The following BCL11B variants were observed in gnomAD, a reference collection of about 807,000 sequenced individuals.
BCL11B encodes B-cell lymphoma/leukemia 11B.
Under a neutral mutation model 49.9 loss-of-function variants are expected in BCL11B, and 8 were observed. That is an observed-to-expected ratio of 0.16 (90% CI 0.09 to 0.29). The LOEUF (loss-of-function observed/expected upper bound fraction) is 0.29, where lower values mean the gene tolerates loss of function less well. Among genes scored for constraint, BCL11B ranks in the 10% least tolerant of loss-of-function variants. The pLI is 1.00. For missense variants in BCL11B, 1,006 were observed against 1,351.0 expected, an observed-to-expected ratio of 0.74 and a Z score of 4.00; for synonymous variants, 739 against 637.4, an observed-to-expected ratio of 1.16 and a Z score of -2.40.
rs1420580066 is a variant in BCL11B, at chr14:99,172,871, T to G, written c.*1280A>C. On this transcript the variant is annotated 3_prime_UTR_variant, in exon 4 of 4. Coordinates refer to ENST00000357195, the MANE Select transcript of BCL11B (RefSeq NM_138576.4). ...AAAAAAAAAATAAAAACCTGGGAAG[T>G]AGCGCTGGGCACCTTCTGATGGAAC... The G allele has an allele frequency of 8.8e-6, 2 of 227,912 alleles. No individual in the cohort carries two copies. The highest frequency in any genetic ancestry group is 8.7e-6 in the Non-Finnish European group (1 of 114,750). 14.1% of individuals were successfully genotyped at this position (227,912 alleles called of 1,614,324 possible). A position where few individuals can be genotyped will look rare whatever the true frequency, so the allele number is the denominator to read the frequency against.
Position 99,174,661 on chromosome 14 carries a change from G to A in BCL11B, c.2175C>T (p.Pro725=), listed in dbSNP as rs2139754207. ...YAASRHFMKD[P]FLGFTDARQS... is the part of the protein sequence containing the mutation. ...GTCGTGCGTCCGTGAAGCCCAGGAAGGGGTCCTTCATGAAGTGCCGCGACG... is the reference window on the plus strand; with the variant it reads ...GTCGTGCGTCCGTGAAGCCCAGGAAAGGGTCCTTCATGAAGTGCCGCGACG... The change falls in exon 4 of 4, where the codon CCC becomes CCT. Residue 725 remains proline, a synonymous_variant. Transcript: ENST00000357195. 6.3e-7 allele frequency: 1 copy of A among 1,580,412 alleles called. No individual in the cohort carries two copies. Among genetic ancestry groups the A allele is most frequent in the Non-Finnish European group, 8.6e-7 (1 of 1,166,370 alleles).
intron 3 of BCL11B, among the ~76,000 whole-genome samples, chr14:99,209,842 C>T (rs781740857): frequency 6.6e-6 from 1 of 152,130 alleles, no homozygotes; most frequent in South Asian, 2.1e-4. Context: ...ATGCAGTGCT[C>T]AGGATGGCCT....
intron 2 of BCL11B, among the ~76,000 whole-genome samples, chr14:99,250,026 G>A (rs1342670975): frequency 2.7e-5 from 4 of 146,466 alleles, no homozygotes; most frequent in African/African-American, 7.6e-5. Flanking sequence ...GGCTGAGACA[G>A]GAGAATCTTT....
In BCL11B at chr14:99,174,571, C is replaced by A. The variant is rs1397348808; in HGVS notation, c.2265G>T (p.Pro755=). 4 of 1,517,666 alleles carry A rather than the reference C, an allele frequency of 2.6e-6. No homozygotes were observed. Among genetic ancestry groups the A allele is most frequent in the South Asian group, 1.2e-5 (1 of 82,098 alleles). The allele number at this position is 1,517,666 out of a possible 1,614,324, so 94.0% of individuals were successfully genotyped here. A position where few individuals can be genotyped will look rare whatever the true frequency, so the allele number is the denominator to read the frequency against. Residue 755 remains proline (P), a synonymous_variant, in exon 4 of 4, where the codon CCG becomes CCT. Transcript: ENST00000357195. The part of the protein sequence containing the change: ...SENGSLRFST[P]PGDLLDGGLS... Reference sequence around the variant, plus strand: ...GGCCGCCGTCCAGCAGGTCCCCGGGCGGCGTGGAGAAGCGCAGGCTGCCGT... The same window carrying A: ...GGCCGCCGTCCAGCAGGTCCCCGGGAGGCGTGGAGAAGCGCAGGCTGCCGT...
intron 1 of BCL11B, among the ~76,000 whole-genome samples, chr14:99,260,916 G>A (rs760938647): frequency 1.2e-4 from 18 of 151,924 alleles, no homozygotes; most frequent in South Asian, 4.2e-4. Context: ...GGATCTCCAC[G>A]TCCCAGACCA....
chr14:99,173,142 A>T lies in BCL11B; in HGVS notation c.*1009T>A, dbSNP rs1032586807. The T allele has an allele frequency of 1.3e-5, 3 of 230,792 alleles. No individual in the cohort carries two copies. Among genetic ancestry groups the T allele is most frequent in the Non-Finnish European group, 2.6e-5 (3 of 116,580 alleles). 14.3% of individuals were successfully genotyped at this position (230,792 alleles called of 1,614,324 possible). On this transcript the variant is annotated 3_prime_UTR_variant, in exon 4 of 4. Coordinates refer to ENST00000357195, the MANE Select transcript of BCL11B (RefSeq NM_138576.4). ...AGAAAACGCCTAAAAGAACACCGCT[A>T]GTTTCTTCCTTTCTGTGTCACTGCA... is the stretch of plus-strand genomic sequence containing the variant.
At chr14:99,249,461 T>G (rs1237811591) in intron 2 of BCL11B, among the ~76,000 whole-genome samples, 1 of 152,214 alleles carries the variant, frequency 6.6e-6, no homozygotes, top group Non-Finnish European at 1.5e-5. Flanking sequence ...GAGCCTGGTC[T>G]CTAGGCGCAA....
chr14:99,271,928 C>G lies in BCL11B; in HGVS notation c.-710G>C, dbSNP rs886211065. Among the ~76,000 whole-genome samples the G allele has an allele frequency of 1.3e-5, 2 of 151,924 alleles. No homozygotes were observed. Among genetic ancestry groups the G allele is most frequent in the African/African-American group, 4.8e-5 (2 of 41,366 alleles). ...TTTTGTTTTTGTTTTTGTTTTTTCTCGGAGACTGACCCTTCCGAGGCTCTG... is the reference window on the plus strand; with the variant it reads ...TTTTGTTTTTGTTTTTGTTTTTTCTGGGAGACTGACCCTTCCGAGGCTCTG... On this transcript the variant is annotated 5_prime_UTR_variant, in exon 1 of 4. Transcript: ENST00000357195.
Position 99,174,592 on chromosome 14 carries a change from G to C in BCL11B, c.2244C>G (p.Gly748=). 1 of 1,529,062 alleles carries C rather than the reference G, an allele frequency of 6.5e-7. No homozygotes were observed. The highest frequency in any genetic ancestry group is 8.8e-7 in the Non-Finnish European group (1 of 1,141,156). The allele number at this position is 1,529,062 out of a possible 1,614,324, so 94.7% of individuals were successfully genotyped here. ...CGGGCGGCGTGGAGAAGCGCAGGCT[G>C]CCGTTCTCGGACGAGTGCTCGGACG... is the stretch of plus-strand genomic sequence containing the variant. ...ATSSEHSSEN[G]SLRFSTPPGD... The change falls in exon 4 of 4, where the codon GGC becomes GGG. Residue 748 remains glycine, a synonymous_variant. Coordinates refer to ENST00000357195, the MANE Select transcript of BCL11B (RefSeq NM_138576.4).
chr14:99,191,516 T>C (rs1887030003), intron 3 of BCL11B, among the ~76,000 whole-genome samples: 1 of 152,048 alleles, frequency 6.6e-6, no homozygotes, highest in Non-Finnish European at 1.5e-5. Flanking sequence ...GCCCACACCA[T>C]CTACTTCTCT....
In BCL11B at chr14:99,241,281, T is replaced by C. The variant is rs1423967654; in HGVS notation, c.428-9724A>G. 6.6e-6 allele frequency among the ~76,000 whole-genome samples: 1 copy of C among 151,946 alleles called. No individual in the cohort carries two copies. Among genetic ancestry groups the C allele is most frequent in the Admixed American group, 6.6e-5 (1 of 15,254 alleles). On this transcript the variant is annotated intron_variant, in intron 2 of 3. Coordinates refer to ENST00000357195, the MANE Select transcript of BCL11B (RefSeq NM_138576.4). This position sits in a 1 kb window ranked among gnomAD's most constrained non-coding sequence, Gnocchi z 4.4. ...CATGAAATATACCCCAAAACAACAT[T>C]GTAGATAAGAGCCCAGAGGCGGGGA...
intron 2 of BCL11B, among the ~76,000 whole-genome samples, chr14:99,237,972 T>G (rs925873216): frequency 6.6e-6 from 1 of 151,970 alleles, no homozygotes; most frequent in Non-Finnish European, 1.5e-5. Flanking sequence ...TCCAGGAACA[T>G]GGGCAACTGC....
At chr14:99,189,334 GGTGCCGCTA>G (rs1886954093) in intron 3 of BCL11B, among the ~76,000 whole-genome samples, 1 of 152,230 alleles carries the variant, frequency 6.6e-6, no homozygotes, top group Non-Finnish European at 1.5e-5. Flanking sequence ...CGAGCTGCCT[GGTGCCGCTA>G]GAACATCAGA....
intron 1 of BCL11B, among the ~76,000 whole-genome samples, chr14:99,265,890 C>T (rs1031216280): frequency 6.6e-6 from 1 of 152,190 alleles, no homozygotes; most frequent in Admixed American, 6.5e-5. Context: ...ATATATTGAA[C>T]TCTAGCATAA....
At chr14:99,236,263 C>T (rs1017056477) in intron 2 of BCL11B, among the ~76,000 whole-genome samples, 1 of 152,052 alleles carries the variant, frequency 6.6e-6, no homozygotes, top group Non-Finnish European at 1.5e-5. Context: ...ATATTTTTTT[C>T]TGATCACTTA....
chr14:99,270,706 C>T (rs1444153464), intron 1 of BCL11B, among the ~76,000 whole-genome samples: 7 of 151,732 alleles, frequency 4.6e-5, no homozygotes, highest in Admixed American at 2.6e-4. Flanking sequence ...CCCGCGCCGT[C>T]AGCGCGGACC....
At position 99,194,454 on chromosome 14, in the gene BCL11B, G is replaced by C. The variant is rs1242400248; in HGVS notation, c.641-18259C>G. Among the ~76,000 whole-genome samples the C allele has an allele frequency of 6.6e-6, 1 of 152,336 alleles. No individual in the cohort carries two copies. Among genetic ancestry groups the C allele is most frequent in the East Asian group, 1.9e-4 (1 of 5,180 alleles). On this transcript the variant is annotated intron_variant, in intron 3 of 3. Coordinates refer to ENST00000357195, the MANE Select transcript of BCL11B (RefSeq NM_138576.4). The surrounding 1 kb of genome is among the most constrained non-coding windows in gnomAD (Gnocchi z 4.6). ...CTCTGTCCTTCTCGGCTTCTGCCCT[G>C]TGGGGCACCCAGAACCCCATCCAGT... is the stretch of plus-strand genomic sequence containing the variant.
rs188367815 is a variant in BCL11B at position 99,216,863 on chromosome 14, G to A, written c.640+14482C>T. On this transcript the variant is annotated intron_variant, in intron 3 of 3. Coordinates refer to ENST00000357195, the MANE Select transcript of BCL11B (RefSeq NM_138576.4). Reference sequence around the variant, plus strand: ...CAAAAACACTCATACACACACACACGCATACATACACATATGTGCACAGAT... The same window carrying A: ...CAAAAACACTCATACACACACACACACATACATACACATATGTGCACAGAT... Among the ~76,000 whole-genome samples the A allele has an allele frequency of 4.9e-4, 74 of 151,306 alleles. 3 individuals are homozygous for A. In the South Asian group the frequency reaches 0.012, roughly 24 times the overall value.
intron 1 of BCL11B, among the ~76,000 whole-genome samples, chr14:99,268,061 T>C (rs1889538138): frequency 1.3e-5 from 2 of 151,952 alleles, no homozygotes; most frequent in African/African-American, 4.8e-5. Flanking sequence ...GCCACTGTGT[T>C]GTTTTGTGTT....
Sources: allele counts gnomAD v4.1 joint callset (sites outside exome capture counted in the v4.1 genomes callset), GRCh38; gene constraint gnomAD v4.1.1; non-coding constraint Gnocchi (gnomAD v3.1); transcripts MANE v1.5; gene names NCBI Gene and HGNC (gene_info 2026-07-23, HGNC 2026-07-21).